Variants in ITPR1 observed in about 807,000 individuals in gnomAD.
The protein encoded by ITPR1 is inositol 1,4,5-trisphosphate receptor type 1, also known as inositol 1,4,5-trisphosphate-gated calcium channel ITPR1.
A neutral mutation model predicts 318.4 loss-of-function variants in ITPR1; 96 were observed. The observed-to-expected ratio is 0.30, with a 90% CI of 0.26 to 0.36. ITPR1 has a LOEUF of 0.36. Among genes scored for constraint, ITPR1 ranks in the 10% least tolerant of loss-of-function variants. The pLI is 1.00. For missense variants in ITPR1, 2,440 were observed against 3,460.2 expected, an observed-to-expected ratio of 0.71 and a Z score of 7.40; for synonymous variants, 1,312 against 1,289.9, an observed-to-expected ratio of 1.02 and a Z score of -0.37.
chr3:4,842,869 A>G (rs956936576), intron 61 of ITPR1, among the ~76,000 whole-genome samples: 29 of 152,328 alleles, frequency 1.9e-4, no homozygotes, highest in African/African-American at 6.7e-4. Flanking sequence ...AGAGTAACAG[A>G]CAATAATGAT....
chr3:4,777,624 A>G lies in ITPR1; in HGVS notation c.6291+250A>G, dbSNP rs917929553. On this transcript the variant is annotated intron_variant, in intron 48 of 61. Coordinates refer to ENST00000649015, the MANE Select transcript of ITPR1 (RefSeq NM_001378452.1). Reference sequence around the variant, plus strand: ...CACAGAATGAAGATTCCTTGCTCCAAGCTAAGAAGTGAATCCCAACAGCAT... The same window carrying G: ...CACAGAATGAAGATTCCTTGCTCCAGGCTAAGAAGTGAATCCCAACAGCAT... Among the ~76,000 whole-genome samples, 5 of 152,320 alleles carry G rather than the reference A, an allele frequency of 3.3e-5. No individual in the cohort carries two copies. In the East Asian group the frequency reaches 7.7e-4, roughly 23 times the overall value.
At chr3:4,708,428 C>T (rs1287400849) in intron 37 of ITPR1, among the ~76,000 whole-genome samples, 10 of 152,058 alleles carry the variant, frequency 6.6e-5, no homozygotes, top group Admixed American at 1.3e-4. Context: ...CGGGATTTCT[C>T]GGGTCAAGTT....
intron 4 of ITPR1, among the ~76,000 whole-genome samples, chr3:4,615,191 A>C (rs558082126): frequency 6.6e-6 from 1 of 152,154 alleles, no homozygotes; most frequent in African/African-American, 2.4e-5. Context: ...CCCAGTTATC[A>C]CAGTCTTTAA....
chr3:4,605,296 C>T (rs1048482786), intron 4 of ITPR1, among the ~76,000 whole-genome samples: 5 of 152,068 alleles, frequency 3.3e-5, no homozygotes, highest in African/African-American at 1.2e-4. Context: ...TTAAAATGTC[C>T]TGGTCATGAA....
At chr3:4,783,183 G>A (rs751945212) in intron 50 of ITPR1, among the ~76,000 whole-genome samples, 3 of 152,238 alleles carry the variant, frequency 2.0e-5, no homozygotes, top group Non-Finnish European at 4.4e-5. Flanking sequence ...TTGGGGATAC[G>A]GCAATACTTT....
At chr3:4,639,802 G>A (rs905005058) in intron 6 of ITPR1, among the ~76,000 whole-genome samples, 1 of 152,158 alleles carries the variant, frequency 6.6e-6, no homozygotes, top group African/African-American at 2.4e-5. Context: ...TTCCTACTTC[G>A]GTGAAAATTA....
chr3:4,641,753 C>G (rs561971078), intron 6 of ITPR1, among the ~76,000 whole-genome samples: 1 of 152,254 alleles, frequency 6.6e-6, no homozygotes, highest in Admixed American at 6.5e-5. Context: ...GCATGCCACA[C>G]TGCAGTTCCT....
At chr3:4,679,503 G>A (rs1335760338) in intron 24 of ITPR1, among the ~76,000 whole-genome samples, 1 of 152,172 alleles carries the variant, frequency 6.6e-6, no homozygotes, top group African/African-American at 2.4e-5. Flanking sequence ...GAAGATGAGT[G>A]TCCCAGCTCC....
chr3:4,609,243 T>TG (rs59256944), intron 4 of ITPR1, among the ~76,000 whole-genome samples: 13,989 of 149,988 alleles, frequency 0.093, 1,192 homozygotes, highest in African/African-American at 0.23. Flanking sequence ...ATCTTTCAGG[T>TG]GGTGTTCTGG....
chr3:4,505,995 G>C (rs984520786), intron 2 of ITPR1, among the ~76,000 whole-genome samples: 1 of 152,186 alleles, frequency 6.6e-6, no homozygotes, highest in Non-Finnish European at 1.5e-5. Flanking sequence ...AGATTAGAAA[G>C]TAGAATTATA....
intron 31 of ITPR1, among the ~76,000 whole-genome samples, chr3:4,689,034 T>G (rs141081206): frequency 6.6e-6 from 1 of 152,342 alleles, no homozygotes; most frequent in Admixed American, 6.5e-5. Flanking sequence ...GTTTGTTAAA[T>G]ATATTTCTAG....
At chr3:4,634,715 G>A (rs1384222429) in intron 5 of ITPR1, among the ~76,000 whole-genome samples, 6 of 152,128 alleles carry the variant, frequency 3.9e-5, no homozygotes, top group Non-Finnish European at 7.4e-5. Context: ...CCCCTATTCT[G>A]TTCCTGTGTC....
At chr3:4,842,655 C>A (rs1044105280) in intron 61 of ITPR1, among the ~76,000 whole-genome samples, 1 of 152,144 alleles carries the variant, frequency 6.6e-6, no homozygotes, top group Admixed American at 6.5e-5. Context: ...CCATGCCCAG[C>A]CGTTTTGAGG....
chr3:4,578,546 T>C (rs923829823), intron 4 of ITPR1, among the ~76,000 whole-genome samples: 6 of 152,088 alleles, frequency 3.9e-5, no homozygotes, highest in Admixed American at 6.6e-5. Flanking sequence ...GTGGAGCTCA[T>C]AATGTCCCAC....
chr3:4,694,428 CAT>C (rs1013577669), intron 33 of ITPR1, among the ~76,000 whole-genome samples: 3 of 109,212 alleles, frequency 2.7e-5, no homozygotes, highest in South Asian at 2.3e-4. Flanking sequence ...AAATATATGA[CAT>C]ATATCATATA....
intron 44 of ITPR1, among the ~76,000 whole-genome samples, chr3:4,738,032 G>T (rs767620203): frequency 9.9e-5 from 15 of 152,102 alleles, no homozygotes; most frequent in Non-Finnish European, 2.1e-4. Context: ...GACACTTATA[G>T]GGGGAACGAC....
chr3:4,714,169 C>T (rs1033330499), intron 39 of ITPR1, among the ~76,000 whole-genome samples: 6 of 152,058 alleles, frequency 3.9e-5, no homozygotes, highest in Admixed American at 2.6e-4. Flanking sequence ...AGAAGCATGA[C>T]GCACAGGGCA....
In ITPR1 at chr3:4,688,637, A is replaced by G. The variant is rs773437375; in HGVS notation, c.3828+17A>G. On this transcript the variant is annotated intron_variant, in intron 31 of 61. Coordinates refer to ENST00000649015, the MANE Select transcript of ITPR1 (RefSeq NM_001378452.1). ...AACCCAGGGGTAAGACTTGAGGCCA[A>G]TCTGCAAATCTATAGAGGGAGGAGG... 1 of 1,609,090 alleles carries G rather than the reference A, an allele frequency of 6.2e-7. No individual in the cohort carries two copies. Among genetic ancestry groups the G allele is most frequent in the East Asian group, 2.2e-5 (1 of 44,780 alleles).
chr3:4,836,729 C>T, intron 60 of ITPR1, 45 bp from the exon 61 acceptor site: 1 of 1,301,326 alleles, frequency 7.7e-7, no homozygotes, highest in Non-Finnish European at 9.9e-7. Flanking sequence ...CTAGAAGTGA[C>T]TCAGTCTTTT....
Sources: gnomAD v4.1 joint callset for allele counts (sites outside exome capture counted in the v4.1 genomes callset) on GRCh38, gnomAD v4.1.1 for gene constraint, MANE v1.5 for transcripts, NCBI Gene and HGNC (gene_info 2026-07-23, HGNC 2026-07-21) for gene names.